Variants in TRAP1 observed in about 807,000 individuals in gnomAD.
The protein encoded by TRAP1 is TNF receptor associated protein 1, also known as heat shock protein 75 kDa, mitochondrial.
A neutral mutation model predicts 89.1 loss-of-function variants in TRAP1; 102 were observed. That is an observed-to-expected ratio of 1.15 (90% CI 0.98 to 1.35). TRAP1 has a LOEUF of 1.35. TRAP1 is among the 40% of genes most tolerant of loss of function. The pLI is 0.00. For missense variants in TRAP1, 1,256 were observed against 945.3 expected, an observed-to-expected ratio of 1.33 and a Z score of -4.31; for synonymous variants, 508 against 388.0, an observed-to-expected ratio of 1.31 and a Z score of -3.64.
At chr16:3,707,224 C>T (rs1205365068) in intron 1 of TRAP1, among the ~76,000 whole-genome samples, 1 of 137,358 alleles carries the variant, frequency 7.3e-6, no homozygotes, top group Non-Finnish European at 1.5e-5. Context: ...CTCGCTCTGT[C>T]GCCCAGGCTG....
rs1349031920 is a variant in TRAP1 at position 3,662,084 on chromosome 16, T to C, written c.1843A>G (p.Met615Val). ...THPAMVTVLE[M>V]GAARHFLRMQ... ...CGCAGGAAGTGGCGGGCAGCCCCCA[T>C]CTCCAGCACGGTGACCATGGCAGGG... Residue 615 changes from methionine (M) to valine (V), a missense_variant, in exon 16 of 18, where the codon ATG becomes GTG. Met to Val is a conservative substitution (Grantham distance 21). Transcript: ENST00000246957. 5.6e-6 allele frequency: 9 copies of C among 1,612,944 alleles called. No individual in the cohort carries two copies. Among genetic ancestry groups the C allele is most frequent in the African/African-American group, 1.3e-5 (1 of 74,846 alleles).
chr16:3,680,060 T>C, intron 4 of TRAP1: 1 of 343,834 alleles, frequency 2.9e-6, no homozygotes, highest in Non-Finnish European at 5.5e-6. Context: ...TAAAACCCCA[T>C]CTCTACTAAA....
At chr16:3,687,780 G>A (rs117429728) in intron 3 of TRAP1, among the ~76,000 whole-genome samples, 6,409 of 150,696 alleles carry the variant, frequency 0.043, 169 homozygotes, top group Admixed American at 0.059. Flanking sequence ...CTCAGGAGGC[G>A]GAGGTTGCAG....
At chr16:3,691,050 G>A (rs1033313395) in intron 1 of TRAP1, 65 bp from the exon 2 acceptor site, 25 of 1,391,448 alleles carry the variant, frequency 1.8e-5, no homozygotes, top group African/African-American at 7.4e-5. Context: ...ATGGTAATTC[G>A]TCCCATCAAG....
chr16:3,658,716 C>A (rs374867889), intron 17 of TRAP1, 77 bp downstream of exon 17: 1 of 1,365,152 alleles, frequency 7.3e-7, no homozygotes, highest in Non-Finnish European at 1.0e-6. Flanking sequence ...TAGAGGAAAC[C>A]GCTGTTCCAC....
At chr16:3,698,044 C>T in intron 1 of TRAP1, among the ~76,000 whole-genome samples, 1 of 151,952 alleles carries the variant, frequency 6.6e-6, no homozygotes, top group Admixed American at 6.6e-5. Flanking sequence ...AACTCCTGAC[C>T]TCGTGATCCG....
chr16:3,691,678 C>G (rs2051216490), intron 1 of TRAP1, among the ~76,000 whole-genome samples: 1 of 152,188 alleles, frequency 6.6e-6, no homozygotes, highest in South Asian at 2.1e-4. Context: ...AAAAAAAATC[C>G]TCCCAAAAGG....
Position 3,715,178 on chromosome 16 carries a change from C to T in TRAP1, c.88+2243G>A, listed in dbSNP as rs550303755. ...AAAGGGCTGGGCACAGCGGCTCACG[C>T]TTGTAATCCCAGCACTTTGGGAGGC... On this transcript the variant is annotated intron_variant, in intron 1 of 17. Coordinates refer to ENST00000246957, the MANE Select transcript of TRAP1 (RefSeq NM_016292.3). Among the ~76,000 whole-genome samples, 39 of 152,368 alleles carry T rather than the reference C, an allele frequency of 2.6e-4. 1 individual carries two copies. In the South Asian group the frequency reaches 7.7e-3, roughly 30 times the overall value.
In TRAP1 at chr16:3,664,478, G is replaced by A. The variant is rs1183895948; in HGVS notation, c.1384-19C>T. On this transcript the variant is annotated intron_variant, in intron 12 of 17. Coordinates refer to ENST00000246957, the MANE Select transcript of TRAP1 (RefSeq NM_016292.3). Reference sequence around the variant, plus strand: ...TGTCCTCCTAGAAGGGACGGGGCAGGTCACCACTTATTCCAGGCCCATGGG... The same window carrying A: ...TGTCCTCCTAGAAGGGACGGGGCAGATCACCACTTATTCCAGGCCCATGGG... 6.3e-7 allele frequency: 1 copy of A among 1,598,316 alleles called. No individual in the cohort carries two copies.
chr16:3,705,601 C>G (rs1472418371), intron 1 of TRAP1, among the ~76,000 whole-genome samples: 4 of 152,136 alleles, frequency 2.6e-5, no homozygotes, highest in African/African-American at 9.7e-5. Context: ...GTATCAGCAC[C>G]TCATTCCTTT....
intron 4 of TRAP1, among the ~76,000 whole-genome samples, chr16:3,683,023 C>A (rs2051092710): frequency 6.6e-6 from 1 of 151,972 alleles, no homozygotes; most frequent in Non-Finnish European, 1.5e-5. Context: ...ACAAAATTAG[C>A]CAGGCATGGT....
intron 4 of TRAP1, among the ~76,000 whole-genome samples, chr16:3,681,959 C>T (rs2051078190): frequency 6.6e-6 from 1 of 152,028 alleles, no homozygotes; most frequent in Non-Finnish European, 1.5e-5. Flanking sequence ...TTAAGACTTC[C>T]TATAAAGCTA....
At chr16:3,686,373 G>C (rs1249712917) in intron 3 of TRAP1, among the ~76,000 whole-genome samples, 1 of 152,168 alleles carries the variant, frequency 6.6e-6, no homozygotes, top group East Asian at 1.9e-4. Context: ...ACTCAGGCTG[G>C]AGGCTGCAAT....
At chr16:3,712,902 C>T (rs569902073) in intron 1 of TRAP1, among the ~76,000 whole-genome samples, 1 of 152,296 alleles carries the variant, frequency 6.6e-6, no homozygotes, top group South Asian at 2.1e-4. Flanking sequence ...AGACGAGAGC[C>T]ACCGCGCCCG....
At chr16:3,658,456 G>C (rs189951143) in intron 17 of TRAP1, 1 of 585,324 alleles carries the variant, frequency 1.7e-6, no homozygotes, top group Non-Finnish European at 3.0e-6. Context: ...GGCTGGGCAC[G>C]GTGGCTCACG....
rs138180254 is a variant in TRAP1, at chr16:3,658,630, G to A, written c.2013+163C>T. 523 of 675,614 alleles carry A rather than the reference G, an allele frequency of 7.7e-4. 1 individual carries two copies. The highest frequency in any genetic ancestry group is 6.9e-3 in the African/African-American group (384 of 55,556). The allele number at this position is 675,614 out of a possible 1,614,324, so 41.9% of individuals were successfully genotyped here. A position where few individuals can be genotyped will look rare whatever the true frequency, so the allele number is the denominator to read the frequency against. On this transcript the variant is annotated intron_variant, in intron 17 of 17. Coordinates refer to ENST00000246957, the MANE Select transcript of TRAP1 (RefSeq NM_016292.3). ...AGAGGTTGTAGTGAGCCAAGATCGC[G>A]CCACTGCACTCCAGCCTGGCAACAG...
chr16:3,706,965 C>A (rs908293214), intron 1 of TRAP1, among the ~76,000 whole-genome samples: 5 of 151,986 alleles, frequency 3.3e-5, no homozygotes, highest in Admixed American at 2.0e-4. Flanking sequence ...CTGCAGAGGT[C>A]GCACCGTTTT....
intron 1 of TRAP1, among the ~76,000 whole-genome samples, chr16:3,706,067 AT>A (rs1308493760): frequency 6.7e-6 from 1 of 150,310 alleles, no homozygotes; most frequent in Non-Finnish European, 1.5e-5. Flanking sequence ...GCAACCTCCA[AT>A]TCCCAGGGTC....
Position 3,683,349 on chromosome 16 carries a change from C to A in TRAP1, c.471+2647G>T, listed in dbSNP as rs561588311. Reference sequence around the variant, plus strand: ...TGTGTTAAGAATAATATATCCATACCGGTTGATTAACTGTAACCAATGTAA... The same window carrying A: ...TGTGTTAAGAATAATATATCCATACAGGTTGATTAACTGTAACCAATGTAA... On this transcript the variant is annotated intron_variant, in intron 4 of 17. Coordinates refer to ENST00000246957, the MANE Select transcript of TRAP1 (RefSeq NM_016292.3). 1.9e-4 allele frequency among the ~76,000 whole-genome samples: 28 copies of A among 151,126 alleles called. 1 individual carries two copies. In the South Asian group the frequency reaches 4.8e-3, roughly 26 times the overall value.
Sources: gnomAD v4.1 joint callset for allele counts (sites outside exome capture counted in the v4.1 genomes callset) on GRCh38, gnomAD v4.1.1 for gene constraint, MANE v1.5 for transcripts, NCBI Gene and HGNC (gene_info 2026-07-23, HGNC 2026-07-21) for gene names.